The following CDK10 variants were observed in gnomAD, a reference collection of about 807,000 sequenced individuals.
CDK10 encodes the protein cyclin dependent kinase 10.
In CDK10, 55 loss-of-function variants were observed where a neutral mutation model predicts 51.0. The observed-to-expected ratio is 1.08, with a 90% CI of 0.87 to 1.35. The LOEUF is 1.35. CDK10 is among the 40% of genes most tolerant of loss of function. The pLI is 0.00. For missense variants in CDK10, 589 were observed against 485.1 expected (o/e 1.21, Z -2.01); for synonymous variants, 255 against 199.1 (o/e 1.28, Z -2.36).
chr16:89,689,378 G>C, intron 2 of CDK10, 54 bp downstream of exon 2: 1 of 1,520,210 alleles, frequency 6.6e-7, no homozygotes, highest in Non-Finnish European at 9.1e-7. Context: ...TGACAGTGTG[G>C]GACGAGACTG....
At position 89,695,629 on chromosome 16, in the gene CDK10, C is replaced by T. The variant is rs1390817779; in HGVS notation, c.1020C>T (p.His340=). 1.9e-6 allele frequency: 3 copies of T among 1,606,268 alleles called. No individual in the cohort carries two copies. Among genetic ancestry groups the T allele is most frequent in the African/African-American group, 2.7e-5 (2 of 74,742 alleles). ...CEPELMPTFP[H]HRNKRAAPAT... ...CGGAGCTCATGCCGACCTTTCCCCA[C>T]CACCGCAACAAGCGGGCCGCCCCAG... is the stretch of plus-strand genomic sequence containing the variant. Residue 340 remains histidine, a synonymous_variant, in exon 13 of 13, where the codon CAC becomes CAT. Coordinates refer to ENST00000353379, the MANE Select transcript of CDK10 (RefSeq NM_052988.5).
At chr16:89,692,414 C>A (rs550627050) in intron 5 of CDK10, 35 bp from the exon 6 acceptor site, 1 of 1,492,278 alleles carries the variant, frequency 6.7e-7, no homozygotes, top group East Asian at 2.5e-5. Context: ...TCCCTGCAGG[C>A]TCACCCTGAC....
chr16:89,688,418 ACT>A (rs1309331724), intron 1 of CDK10, among the ~76,000 whole-genome samples: 1 of 151,924 alleles, frequency 6.6e-6, no homozygotes, highest in Non-Finnish European at 1.5e-5. Flanking sequence ...AAGGATACAG[ACT>A]CTACTAGTTC....
At chr16:89,692,370 G>A (rs2060491886) in intron 5 of CDK10, 79 bp from the exon 6 acceptor site, 1 of 1,098,312 alleles carries the variant, frequency 9.1e-7, no homozygotes, top group African/African-American at 1.6e-5. Context: ...TAGTCCTGCT[G>A]GCCAGTGTGG....
Position 89,695,835 on chromosome 16 carries a change from C to A in CDK10, c.*143C>A. 6.6e-7 allele frequency: 1 copy of A among 1,525,068 alleles called. No individual in the cohort carries two copies. Among genetic ancestry groups the A allele is most frequent in the Non-Finnish European group, 8.8e-7 (1 of 1,133,708 alleles). The allele number at this position is 1,525,068 out of a possible 1,614,324, so 94.5% of individuals were successfully genotyped here. A position where few individuals can be genotyped will look rare whatever the true frequency, so the allele number is the denominator to read the frequency against. On this transcript the variant is annotated 3_prime_UTR_variant, in exon 13 of 13. Transcript: ENST00000353379. ...GGGAACATCCTCCACTGACTTCCTC[C>A]CACTGTCTGCCCTGAACCCACTGCT...
chr16:89,695,477 C>A, intron 12 of CDK10, 118 bp from the exon 13 acceptor site: 3 of 1,448,188 alleles, frequency 2.1e-6, no homozygotes, highest in South Asian at 2.4e-5. Flanking sequence ...AGGACAGGGG[C>A]ATGTGGAGGC....
chr16:89,695,745 T>G lies in CDK10; in HGVS notation c.*53T>G, dbSNP rs2060696015. The G allele has an allele frequency of 5.7e-6, 9 of 1,590,924 alleles. No homozygotes were observed. The highest frequency in any genetic ancestry group is 7.7e-6 in the Non-Finnish European group (9 of 1,171,370). ...CCACACCAGGTCTTCCGATCAGTGG[T>G]GTCTGTGAAGGGTGCCGCGAGCCAG... On this transcript the variant is annotated 3_prime_UTR_variant, in exon 13 of 13. Coordinates refer to ENST00000353379, the MANE Select transcript of CDK10 (RefSeq NM_052988.5).
chr16:89,686,919 C>T, intron 1 of CDK10, 122 bp downstream of exon 1: 1 of 773,032 alleles, frequency 1.3e-6, no homozygotes, highest in Non-Finnish European at 2.0e-6. Context: ...GAACGACAGT[C>T]CCAGAGTTCC....
rs1260218006 is a variant in CDK10 at position 89,695,760 on chromosome 16, C to T, written c.*68C>T. The T allele has an allele frequency of 2.5e-6, 4 of 1,587,028 alleles. No individual in the cohort carries two copies. The Admixed American group carries it at 5.3e-5, about 21-fold the overall frequency. ...CGATCAGTGGTGTCTGTGAAGGGTGCCGCGAGCCAGGCTGACCAGGCGCCC... is the reference window on the plus strand; with the variant it reads ...CGATCAGTGGTGTCTGTGAAGGGTGTCGCGAGCCAGGCTGACCAGGCGCCC... On this transcript the variant is annotated 3_prime_UTR_variant, in exon 13 of 13. Coordinates refer to ENST00000353379, the MANE Select transcript of CDK10 (RefSeq NM_052988.5).
rs1211798553 is a variant in CDK10 at position 89,690,538 on chromosome 16, G to A, written c.161-15G>A. 5 of 1,612,694 alleles carry A rather than the reference G, an allele frequency of 3.1e-6. No individual in the cohort carries two copies. Among genetic ancestry groups the A allele is most frequent in the Non-Finnish European group, 4.2e-6 (5 of 1,178,836 alleles). On this transcript the variant is annotated splice_polypyrimidine_tract_variant and intron_variant, in intron 2 of 12. Coordinates refer to ENST00000353379, the MANE Select transcript of CDK10 (RefSeq NM_052988.5). ...GCATCGAGATGATGTCATCACCAATGTGTTTCCATTCCAGATCGGGCCCGG... is the reference window on the plus strand; with the variant it reads ...GCATCGAGATGATGTCATCACCAATATGTTTCCATTCCAGATCGGGCCCGG...
rs1245637387 is a variant in CDK10 at position 89,695,925 on chromosome 16, C to G, written c.*233C>G. ...GCCCGTGCACCCTGGAAGGGCAGGTCTGGCGGCTCCATCCGTGGCTGCAGG... is the reference window on the plus strand; with the variant it reads ...GCCCGTGCACCCTGGAAGGGCAGGTGTGGCGGCTCCATCCGTGGCTGCAGG... On this transcript the variant is annotated 3_prime_UTR_variant, in exon 13 of 13. Coordinates refer to ENST00000353379, the MANE Select transcript of CDK10 (RefSeq NM_052988.5). 4 of 821,526 alleles carry G rather than the reference C, an allele frequency of 4.9e-6. No homozygotes were observed. The highest frequency in any genetic ancestry group is 2.7e-5 in the East Asian group (1 of 37,338). 50.9% of individuals were successfully genotyped at this position (821,526 alleles called of 1,614,324 possible).
rs771809094 is a variant in CDK10 at position 89,686,808 on chromosome 16, T to G, written c.87+11T>G. On this transcript the variant is annotated intron_variant, in intron 1 of 12. Coordinates refer to ENST00000353379, the MANE Select transcript of CDK10 (RefSeq NM_052988.5). ...CCTCCGGAACACAGGGTGCGCGGGG[T>G]GCCACCCGGGCAGCTCTGCCCGCCT... is the stretch of plus-strand genomic sequence containing the variant. 1 of 1,604,196 alleles carries G rather than the reference T, an allele frequency of 6.2e-7. No individual in the cohort carries two copies. The highest frequency in any genetic ancestry group is 1.1e-5 in the South Asian group (1 of 90,286).
chr16:89,691,709 G>T (rs1032315106), intron 4 of CDK10, 97 bp from the exon 5 acceptor site: 1 of 1,338,784 alleles, frequency 7.5e-7, no homozygotes. Flanking sequence ...GGGGACACAG[G>T]TTGTCCTGCC....
At chr16:89,689,549 A>T (rs909344455) in intron 2 of CDK10, 1 of 556,734 alleles carries the variant, frequency 1.8e-6, no homozygotes, top group African/African-American at 1.9e-5. Flanking sequence ...CCATAATCCA[A>T]ACGTGTCACT....
In CDK10 at chr16:89,692,399, G is replaced by C. The variant is rs781220973; in HGVS notation, c.418-50G>C. The stretch of plus-strand genomic sequence containing the variant: ...AGTGTGGGTGTGGCAGGGCCCAGCT[G>C]GGCTTCCCTGCAGGCTCACCCTGAC... On this transcript the variant is annotated intron_variant, in intron 5 of 12. Transcript: ENST00000353379. 3.5e-6 allele frequency: 5 copies of C among 1,417,300 alleles called. No homozygotes were observed. In the South Asian group the frequency reaches 7.1e-5, roughly 20 times the overall value. The allele number at this position is 1,417,300 out of a possible 1,614,324, so 87.8% of individuals were successfully genotyped here.
chr16:89,690,124 G>A, intron 2 of CDK10: 1 of 181,848 alleles, frequency 5.5e-6, no homozygotes, highest in South Asian at 1.2e-4. Context: ...ATTGGCGTAG[G>A]TCATTCTGGA....
intron 7 of CDK10, 32 bp downstream of exon 7, chr16:89,693,358 A>C: frequency 6.2e-7 from 1 of 1,614,096 alleles, no homozygotes. Context: ...CCCTGTCCCT[A>C]GATGGCACTT....
intron 2 of CDK10, chr16:89,689,536 T>C (rs985023949): frequency 7.0e-6 from 4 of 574,876 alleles, no homozygotes; most frequent in Non-Finnish European, 9.5e-6. Context: ...CGGTTGCTAA[T>C]GCCCATAATC....
rs541210516 is a variant in CDK10, at chr16:89,687,283, C to T, written c.87+486C>T. The stretch of plus-strand genomic sequence containing the variant: ...GTCCCTTGCGGAGGTGCCGGTGCCT[C>T]CCTCTGCAGAGACCAGGAGAGAGCC... On this transcript the variant is annotated intron_variant, in intron 1 of 12. Transcript: ENST00000353379. 4.7e-4 allele frequency: 159 copies of T among 339,940 alleles called. 1 individual carries two copies. In the East Asian group the frequency reaches 5.1e-3, roughly 11 times the overall value. The allele number at this position is 339,940 out of a possible 1,614,324, so 21.1% of individuals were successfully genotyped here.
Sources: gnomAD v4.1 joint callset for allele counts (sites outside exome capture counted in the v4.1 genomes callset) on GRCh38, gnomAD v4.1.1 for gene constraint, MANE v1.5 for transcripts, NCBI Gene and HGNC (gene_info 2026-07-23, HGNC 2026-07-21) for gene names.